Variants in GSG1L observed in about 807,000 individuals in gnomAD.
The protein encoded by GSG1L is GSG1 like.
Under a neutral mutation model 42.1 loss-of-function variants are expected in GSG1L, and 24 were observed. That is an observed-to-expected ratio of 0.57 (90% CI 0.41 to 0.80). GSG1L has a LOEUF of 0.80. GSG1L is among the 30% of genes least tolerant of loss of function. The probability of loss-of-function intolerance (pLI) is 0.00; values close to 1 mark genes in which losing one functional copy is unlikely to be tolerated. For synonymous variants in GSG1L, 215 were observed against 203.5 expected (o/e 1.06, Z -0.48); for missense variants, 445 against 472.2 (o/e 0.94, Z 0.53).
At chr16:27,906,950 A>T (rs2084327188) in intron 2 of GSG1L, among the ~76,000 whole-genome samples, 1 of 152,090 alleles carries the variant, frequency 6.6e-6, no homozygotes, top group Non-Finnish European at 1.5e-5. Context: ...CCCTCTTGGA[A>T]ATAGAACCCA....
chr16:27,808,885 G>A (rs1446758726), intron 5 of GSG1L, among the ~76,000 whole-genome samples: 1 of 152,192 alleles, frequency 6.6e-6, no homozygotes, highest in Non-Finnish European at 1.5e-5. Context: ...AGGCTGTTGA[G>A]GACCTGGACA....
At chr16:27,974,446 G>A (rs1024773155) in intron 1 of GSG1L, among the ~76,000 whole-genome samples, 2 of 152,164 alleles carry the variant, frequency 1.3e-5, no homozygotes, top group Admixed American at 1.3e-4. Flanking sequence ...ATACGACCCA[G>A]GGGCTGAAAG....
At chr16:28,038,688 G>C (rs2086069724) in intron 1 of GSG1L, among the ~76,000 whole-genome samples, 1 of 152,234 alleles carries the variant, frequency 6.6e-6, no homozygotes, top group African/African-American at 2.4e-5. Context: ...CCCAGAGAGA[G>C]CAGACTGCAG....
At chr16:27,967,730 C>A (rs1025292730) in intron 1 of GSG1L, among the ~76,000 whole-genome samples, 7 of 152,106 alleles carry the variant, frequency 4.6e-5, no homozygotes, top group African/African-American at 1.7e-4. Flanking sequence ...CTGGCCAACA[C>A]GGAGAAACCC....
chr16:27,993,039 G>C (rs1466569654), intron 1 of GSG1L, among the ~76,000 whole-genome samples: 1 of 152,180 alleles, frequency 6.6e-6, no homozygotes, highest in Non-Finnish European at 1.5e-5. Context: ...CTATATGAAA[G>C]AGGTACTGTT....
intron 5 of GSG1L, among the ~76,000 whole-genome samples, chr16:27,818,204 C>T (rs931370126): frequency 6.6e-6 from 1 of 152,342 alleles, no homozygotes; most frequent in Non-Finnish European, 1.5e-5. Flanking sequence ...ACCTCCTTCC[C>T]GCCTCTGAAG....
intron 2 of GSG1L, among the ~76,000 whole-genome samples, chr16:27,957,180 C>T (rs1044570765): frequency 1.3e-5 from 2 of 152,130 alleles, no homozygotes; most frequent in African/African-American, 4.8e-5. Context: ...AAAACCCAGT[C>T]TCTACTAAAA....
At chr16:27,863,161 G>A (rs1029272167) in intron 3 of GSG1L, 1 of 151,996 alleles carries the variant, frequency 6.6e-6, no homozygotes, top group Non-Finnish European at 1.5e-5. Context: ...TGCTTATGAC[G>A]ACATATTTTT....
At chr16:27,954,097 G>A (rs1202280204) in intron 2 of GSG1L, among the ~76,000 whole-genome samples, 1 of 152,134 alleles carries the variant, frequency 6.6e-6, no homozygotes, top group African/African-American at 2.4e-5. Context: ...GAAGTGTCCA[G>A]GAGGCAGTTG....
At chr16:27,888,505 T>TTCTTTCTTTC (rs2084075558) in intron 2 of GSG1L, among the ~76,000 whole-genome samples, 2 of 11,524 alleles carry the variant, frequency 1.7e-4, no homozygotes, top group East Asian at 5.1e-3. Context: ...CTTTCTTTCT[T>TTCTTTCTTTC]TCTTTCTTTC....
chr16:27,949,623 A>G (rs1414026960), intron 2 of GSG1L, among the ~76,000 whole-genome samples: 1 of 152,164 alleles, frequency 6.6e-6, no homozygotes, highest in Non-Finnish European at 1.5e-5. Flanking sequence ...CCATCTCTAA[A>G]AAATAAAAAG....
chr16:27,926,187 A>G (rs1263504839), intron 2 of GSG1L, among the ~76,000 whole-genome samples: 1 of 152,246 alleles, frequency 6.6e-6, no homozygotes, highest in Non-Finnish European at 1.5e-5. Context: ...TGTGTTCCAC[A>G]GCCACCTGAC....
At chr16:27,952,992 A>C (rs1173779981) in intron 2 of GSG1L, among the ~76,000 whole-genome samples, 1 of 152,204 alleles carries the variant, frequency 6.6e-6, no homozygotes, top group Non-Finnish European at 1.5e-5. Flanking sequence ...GGGCTTCTGC[A>C]TTTTCCGGTT....
intron 1 of GSG1L, among the ~76,000 whole-genome samples, chr16:28,044,904 C>A (rs551565831): frequency 6.6e-6 from 1 of 152,274 alleles, no homozygotes; most frequent in East Asian, 1.9e-4. Flanking sequence ...GGATTACAGG[C>A]GTGAGCTACC....
intron 6 of GSG1L, among the ~76,000 whole-genome samples, chr16:27,802,382 C>G (rs1333181813): frequency 6.6e-6 from 1 of 152,200 alleles, no homozygotes; most frequent in Non-Finnish European, 1.5e-5. Flanking sequence ...GCTCTGACCA[C>G]AGAGGGGGTC....
intron 3 of GSG1L, among the ~76,000 whole-genome samples, chr16:27,869,713 C>A (rs1368064917): frequency 4.8e-5 from 7 of 145,212 alleles, no homozygotes; most frequent in Non-Finnish European, 1.0e-4. Flanking sequence ...ATTTCTCTCT[C>A]CTTCTCTCTC....
chr16:27,968,740 G>A (rs2085160830), intron 1 of GSG1L, among the ~76,000 whole-genome samples: 1 of 152,128 alleles, frequency 6.6e-6, no homozygotes, highest in Non-Finnish European at 1.5e-5. Context: ...TAAGATCTAT[G>A]TGCTAGGCAT....
rs36025627 is a variant in GSG1L, at chr16:27,987,216, C to CA, written c.350-24014dup. Among the ~76,000 whole-genome samples the CA allele has an allele frequency of 7.6e-4, 100 of 132,176 alleles. No homozygotes were observed. The South Asian group carries it at 0.011, about 14-fold the overall frequency. The allele number at this position is 132,176 out of a possible 152,430, so 86.7% of individuals were successfully genotyped here. A position where few individuals can be genotyped will look rare whatever the true frequency, so the allele number is the denominator to read the frequency against. On this transcript the variant is annotated intron_variant, in intron 1 of 6. Transcript: ENST00000447459. ...TGGGCGACAAGAGTGAACTCCGTCT[C>CA]AAAAAAAAAAAAAAAAAGTTTTTAA...
intron 3 of GSG1L, among the ~76,000 whole-genome samples, chr16:27,861,621 A>T (rs1465271221): frequency 6.6e-6 from 1 of 152,132 alleles, no homozygotes; most frequent in Non-Finnish European, 1.5e-5. Flanking sequence ...GCACTGATAG[A>T]TTGAGCCATG....
Sources: gnomAD v4.1 joint callset for allele counts (sites outside exome capture counted in the v4.1 genomes callset) on GRCh38, gnomAD v4.1.1 for gene constraint, MANE v1.5 for transcripts, NCBI Gene and HGNC (gene_info 2026-07-23, HGNC 2026-07-21) for gene names.